The following CDH18 variants were observed in gnomAD, a reference collection of about 807,000 sequenced individuals.
The protein encoded by CDH18 is cadherin 18, also known as cadherin-18.
A neutral mutation model predicts 67.9 loss-of-function variants in CDH18; 31 were observed. The ratio of observed to expected loss-of-function variants is 0.46; its 90% CI spans 0.34 to 0.62. The LOEUF is 0.62. CDH18 is among the 20% of genes least tolerant of loss of function. CDH18 has a pLI of 0.01. For missense variants in CDH18, 890 were observed against 975.5 expected (o/e 0.91, Z 1.17); for synonymous variants, 362 against 347.2 (o/e 1.04, Z -0.48).
At chr5:20,279,652 T>C (rs568215419) in intron 1 of CDH18, among the ~76,000 whole-genome samples, 25 of 122,714 alleles carry the variant, frequency 2.0e-4, no homozygotes, top group African/African-American at 8.2e-4. Flanking sequence ...TGAGCCGAGA[T>C]CATGCCATTG....
chr5:20,366,626 C>T (rs1241215035), intron 1 of CDH18, among the ~76,000 whole-genome samples: 1 of 152,184 alleles, frequency 6.6e-6, no homozygotes, highest in Non-Finnish European at 1.5e-5. Flanking sequence ...CTCTTAATGC[C>T]TCAATTTGCC....
At chr5:19,946,076 G>A (rs192478335) in intron 2 of CDH18, among the ~76,000 whole-genome samples, 1 of 152,014 alleles carries the variant, frequency 6.6e-6, no homozygotes, top group East Asian at 1.9e-4. Context: ...AAAAGTAAAA[G>A]GTAAGAATGT....
At chr5:19,832,701 C>T (rs183380506) in intron 3 of CDH18, among the ~76,000 whole-genome samples, 17 of 151,938 alleles carry the variant, frequency 1.1e-4, no homozygotes, top group African/African-American at 3.4e-4. Flanking sequence ...AGTTAATGTT[C>T]GTATAAGGTG....
chr5:20,389,021 A>G (rs562653462), intron 1 of CDH18, among the ~76,000 whole-genome samples: 1 of 152,258 alleles, frequency 6.6e-6, no homozygotes, highest in South Asian at 2.1e-4. Flanking sequence ...AGAAGGATGT[A>G]CATTCTGTTG....
chr5:19,764,922 CTTAATTTGGCTATAATTACTAG>C, intron 3 of CDH18, among the ~76,000 whole-genome samples: 1 of 152,142 alleles, frequency 6.6e-6, no homozygotes, highest in East Asian at 1.9e-4. Flanking sequence ...AAATTCTGTC[CTTAATTTGGCTATAATTACTAG>C]GCCATTTCAT....
intron 2 of CDH18, among the ~76,000 whole-genome samples, chr5:20,174,813 C>T (rs912982446): frequency 6.6e-6 from 1 of 151,984 alleles, no homozygotes; most frequent in Non-Finnish European, 1.5e-5. Context: ...TATATGATAA[C>T]GATCTCTGAG....
chr5:20,257,617 T>C (rs11952348), intron 1 of CDH18, among the ~76,000 whole-genome samples: 61,805 of 151,940 alleles, frequency 0.41, 12,616 homozygotes, highest in South Asian at 0.47. Flanking sequence ...TTGTAATAGT[T>C]CTTAGCATAT....
intron 2 of CDH18, among the ~76,000 whole-genome samples, chr5:20,138,205 G>GA (rs200724394): frequency 6.6e-6 from 1 of 151,716 alleles, no homozygotes; most frequent in Non-Finnish European, 1.5e-5. Flanking sequence ...CAGAACCAAA[G>GA]AAAAAAACCA....
intron 5 of CDH18, among the ~76,000 whole-genome samples, chr5:19,655,191 T>G (rs1037781515): frequency 1.3e-5 from 2 of 152,216 alleles, no homozygotes; most frequent in African/African-American, 4.8e-5. Flanking sequence ...TATTGATACA[T>G]GTATATGTAT....
chr5:19,866,321 A>G (rs2150001247), intron 2 of CDH18, among the ~76,000 whole-genome samples: 1 of 152,352 alleles, frequency 6.6e-6, no homozygotes, highest in South Asian at 2.1e-4. Flanking sequence ...AGAACCCAGC[A>G]TCTAGGAAAA....
At chr5:19,485,919 A>G (rs1740326675) in intron 11 of CDH18, among the ~76,000 whole-genome samples, 1 of 152,186 alleles carries the variant, frequency 6.6e-6, no homozygotes. Context: ...TACGTCTCAT[A>G]TTAATAATCT....
chr5:20,164,766 A>T lies in CDH18; in HGVS notation c.-518+90678T>A, dbSNP rs551689324. Among the ~76,000 whole-genome samples the T allele has an allele frequency of 2.2e-3, 335 of 152,328 alleles. 2 individuals carry two copies. Among genetic ancestry groups the T allele is most frequent in the African/African-American group, 7.5e-3 (313 of 41,588 alleles). The stretch of plus-strand genomic sequence containing the variant: ...CTCTTCAATAACGTTAAATGCAATT[A>T]TCACAAAAAGAGATGAGTCCAAGTC... On this transcript the variant is annotated intron_variant, in intron 2 of 14. Coordinates refer to the CDH18 transcript ENST00000507958.
intron 2 of CDH18, among the ~76,000 whole-genome samples, chr5:20,065,169 ATAAGT>A (rs372195251): frequency 1.9e-4 from 29 of 151,868 alleles, no homozygotes; most frequent in Middle Eastern, 3.4e-3. Flanking sequence ...TCTACTTATT[ATAAGT>A]TAAGTTTAAA....
intron 1 of CDH18, among the ~76,000 whole-genome samples, chr5:20,485,999 A>C (rs1354092798): frequency 6.6e-6 from 1 of 152,206 alleles, no homozygotes; most frequent in East Asian, 1.9e-4. Context: ...TGAAACTAAC[A>C]GATAAAGAAG....
chr5:20,087,830 A>G (rs1483312086), intron 2 of CDH18, among the ~76,000 whole-genome samples: 1 of 152,188 alleles, frequency 6.6e-6, no homozygotes, highest in African/African-American at 2.4e-5. Context: ...GGTCTGGAAC[A>G]AAACCAACAG....
At chr5:19,693,525 T>C (rs1341966286) in intron 5 of CDH18, among the ~76,000 whole-genome samples, 1 of 152,204 alleles carries the variant, frequency 6.6e-6, no homozygotes, top group Non-Finnish European at 1.5e-5. Flanking sequence ...GTGCCTGACT[T>C]TGGCATCTTA....
intron 2 of CDH18, among the ~76,000 whole-genome samples, chr5:20,240,340 TGTAA>T (rs1742803704): frequency 6.6e-6 from 1 of 152,154 alleles, no homozygotes; most frequent in Non-Finnish European, 1.5e-5. Flanking sequence ...TGATTCATAC[TGTAA>T]GTATCAATTG....
intron 1 of CDH18, among the ~76,000 whole-genome samples, chr5:20,290,804 G>A (rs1262328425): frequency 1.3e-5 from 2 of 152,112 alleles, no homozygotes; most frequent in Admixed American, 6.6e-5. Context: ...GAGGCAGAAG[G>A]TGGAAGTGTG....
chr5:20,565,112 T>C (rs1180622538), intron 1 of CDH18, among the ~76,000 whole-genome samples: 1 of 152,172 alleles, frequency 6.6e-6, no homozygotes, highest in Non-Finnish European at 1.5e-5. Context: ...GGCAGAAATT[T>C]ACAATGTATC....
Sources: gnomAD v4.1 joint callset for allele counts (sites outside exome capture counted in the v4.1 genomes callset) on GRCh38, gnomAD v4.1.1 for gene constraint, MANE v1.5 for transcripts, NCBI Gene and HGNC (gene_info 2026-07-23, HGNC 2026-07-21) for gene names.